Variants in HIPK2 observed in about 807,000 individuals in gnomAD.
HIPK2 encodes the protein homeodomain interacting protein kinase 2.
In HIPK2, 27 loss-of-function variants were observed where a neutral mutation model predicts 113.7. The ratio of observed to expected loss-of-function variants is 0.24; its 90% confidence interval spans 0.17 to 0.33. The LOEUF (loss-of-function observed/expected upper bound fraction) is 0.33. HIPK2 is among the 10% of genes least tolerant of loss of function. HIPK2 has a pLI of 1.00. For synonymous variants in HIPK2, 631 were observed against 642.2 expected (o/e 0.98, Z 0.26); for missense variants, 1,257 against 1,588.0 (o/e 0.79, Z 3.54).
intron 12 of HIPK2, among the ~76,000 whole-genome samples, chr7:139,590,110 T>C (rs1252601858): frequency 6.6e-6 from 1 of 152,194 alleles, no homozygotes; most frequent in Non-Finnish European, 1.5e-5. Flanking sequence ...CTCGTATCTA[T>C]CGATACTACT....
rs560497120 is a variant in HIPK2, at chr7:139,646,177, C to T, written c.1104-14452G>A. 2.6e-4 allele frequency among the ~76,000 whole-genome samples: 40 copies of T among 152,174 alleles called. 1 individual carries two copies. Among genetic ancestry groups the T allele is most frequent in the African/African-American group, 8.7e-4 (36 of 41,530 alleles). ...TTCAACTTCCATGGAGACAGAGGGA[C>T]GCGACCCACTGGGTAAGGGAACAAA... On this transcript the variant is annotated intron_variant, in intron 2 of 14. Transcript: ENST00000406875.
intron 1 of HIPK2, among the ~76,000 whole-genome samples, chr7:139,776,241 C>T (rs573122293): frequency 6.6e-6 from 1 of 152,132 alleles, no homozygotes; most frequent in African/African-American, 2.4e-5. Context: ...CCTGGAATAA[C>T]ATCTCTCTGT....
intron 2 of HIPK2, among the ~76,000 whole-genome samples, chr7:139,633,095 CAAAAAA>C (rs942820284): frequency 5.1e-4 from 38 of 74,640 alleles, no homozygotes; most frequent in Non-Finnish European, 8.7e-4. Context: ...GACCCTGTCT[CAAAAAA>C]AAAAAAAAAA....
chr7:139,654,626 G>A (rs1801592391), intron 2 of HIPK2, among the ~76,000 whole-genome samples: 1 of 152,166 alleles, frequency 6.6e-6, no homozygotes, highest in Non-Finnish European at 1.5e-5. Flanking sequence ...TTATGGGCTT[G>A]AGGCTTCACC....
chr7:139,685,912 T>C (rs9720053), intron 2 of HIPK2, among the ~76,000 whole-genome samples: 108,080 of 152,184 alleles, frequency 0.71, 39,430 homozygotes, highest in African/African-American at 0.83. Context: ...ATCCATTCTG[T>C]AGCCCATAGA....
At chr7:139,591,248 TG>T (rs1799010407) in intron 12 of HIPK2, among the ~76,000 whole-genome samples, 1 of 152,230 alleles carries the variant, frequency 6.6e-6, no homozygotes, top group South Asian at 2.1e-4. Flanking sequence ...CATTTTTACA[TG>T]ACTACTTTCT....
Position 139,572,961 on chromosome 7 carries a change from C to T in HIPK2, c.3563G>A (p.Ser1188Asn). 1.5e-6 allele frequency: 2 copies of T among 1,322,790 alleles called. No individual in the cohort carries two copies. Among genetic ancestry groups the T allele is most frequent in the Non-Finnish European group, 2.0e-6 (2 of 1,002,982 alleles). 81.9% of individuals were successfully genotyped at this position (1,322,790 alleles called of 1,614,324 possible). The change falls in exon 15 of 15, where the codon AGC (serine) becomes AAC (asparagine). Residue 1188 changes from serine to asparagine, a missense_variant. Transcript: ENST00000406875. ...AGGGTACTGGTTGACCTTGGCGGGG[C>T]TCAGTGGGTATCCAGTGTAGACGGT... ...ASTVYTGYPLSPAKVNQYPYI is the reference protein window; with the variant it reads ...ASTVYTGYPLNPAKVNQYPYI
rs142101787 is a variant in HIPK2, at chr7:139,760,822, C to T, written c.19+16783G>A. On this transcript the variant is annotated intron_variant, in intron 1 of 14. Coordinates refer to ENST00000406875, the MANE Select transcript of HIPK2 (RefSeq NM_022740.5). The stretch of plus-strand genomic sequence containing the variant: ...TCTGCACCAATAACCACCCCCAATA[C>T]CCTGATTGTACTCTCTAATACCATT... Among the ~76,000 whole-genome samples the T allele has an allele frequency of 6.7e-4, 102 of 152,284 alleles. No homozygotes were observed. In the East Asian group the frequency reaches 0.019, roughly 28 times the overall value.
intron 2 of HIPK2, among the ~76,000 whole-genome samples, chr7:139,691,879 C>T (rs1300037975): frequency 2.6e-5 from 4 of 152,134 alleles, no homozygotes; most frequent in Admixed American, 2.6e-4. Flanking sequence ...ATAAATAATA[C>T]ATTAAAAACC....
intron 2 of HIPK2, among the ~76,000 whole-genome samples, chr7:139,655,425 C>T (rs767615380): frequency 2.6e-5 from 4 of 152,220 alleles, no homozygotes; most frequent in Non-Finnish European, 5.9e-5. Flanking sequence ...GAGGCTGCTG[C>T]CTGCAGTTCT....
intron 1 of HIPK2, among the ~76,000 whole-genome samples, chr7:139,719,525 C>G (rs948683557): frequency 1.2e-4 from 19 of 152,208 alleles, no homozygotes; most frequent in African/African-American, 4.3e-4. Flanking sequence ...ATGTTTATCA[C>G]AGGCTGGGCT....
chr7:139,589,011 G>A (rs576557689), intron 12 of HIPK2, among the ~76,000 whole-genome samples: 4 of 152,300 alleles, frequency 2.6e-5, no homozygotes, highest in African/African-American at 9.6e-5. Flanking sequence ...ACGCAGACAT[G>A]TTCTGTTGCA....
Position 139,568,809 on chromosome 7 carries a change from G to A in HIPK2, c.*4118C>T, listed in dbSNP as rs1215495860. ...CCTCTCCTGCAGGGAGCTTCTCTTG[G>A]GGCTTCTGATGTGGCAGCTCCATGC... On this transcript the variant is annotated 3_prime_UTR_variant, in exon 15 of 15. Transcript: ENST00000406875. The A allele has an allele frequency of 6.6e-6, 1 of 152,256 alleles. No individual in the cohort carries two copies. Among genetic ancestry groups the A allele is most frequent in the African/African-American group, 2.4e-5 (1 of 41,454 alleles). The allele number at this position is 152,256 out of a possible 1,614,324, so 9.4% of individuals were successfully genotyped here.
intron 1 of HIPK2, among the ~76,000 whole-genome samples, chr7:139,750,207 C>T (rs910618758): frequency 6.6e-6 from 1 of 152,182 alleles, no homozygotes; most frequent in African/African-American, 2.4e-5. Flanking sequence ...TAGGCTTTGT[C>T]CCTTGGAGTG....
chr7:139,736,740 G>A (rs528358863), intron 1 of HIPK2, among the ~76,000 whole-genome samples: 26 of 152,290 alleles, frequency 1.7e-4, no homozygotes, highest in African/African-American at 5.8e-4. Context: ...CAACCCTTGC[G>A]GAACCACAAA....
intron 13 of HIPK2, among the ~76,000 whole-genome samples, chr7:139,577,656 C>A (rs1330465616): frequency 6.6e-6 from 1 of 152,204 alleles, no homozygotes; most frequent in Non-Finnish European, 1.5e-5. Flanking sequence ...AGCATTGCTT[C>A]TGTTCCTTAA....
intron 2 of HIPK2, among the ~76,000 whole-genome samples, chr7:139,659,644 T>C (rs1232324937): frequency 5.9e-5 from 9 of 152,214 alleles, no homozygotes; most frequent in African/African-American, 2.2e-4. Context: ...TTCCCTGTCC[T>C]TGGCCTATGC....
intron 1 of HIPK2, among the ~76,000 whole-genome samples, chr7:139,723,105 G>A (rs1440044124): frequency 6.6e-6 from 1 of 151,820 alleles, no homozygotes; most frequent in Admixed American, 6.6e-5. Flanking sequence ...TTGGTCTGGG[G>A]CTACAAATAA....
intron 12 of HIPK2, among the ~76,000 whole-genome samples, chr7:139,592,146 A>G (rs940297084): frequency 1.3e-5 from 2 of 152,260 alleles, no homozygotes; most frequent in Non-Finnish European, 2.9e-5. Context: ...TTTTTTATAT[A>G]TAAACATGTT....
Sources: allele counts gnomAD v4.1 joint callset (sites outside exome capture counted in the v4.1 genomes callset), GRCh38; gene constraint gnomAD v4.1.1; transcripts MANE v1.5; gene names NCBI Gene and HGNC (gene_info 2026-07-23, HGNC 2026-07-21).